The following TNRC6B variants were observed in gnomAD, a reference collection of about 807,000 sequenced individuals.
The protein encoded by TNRC6B is trinucleotide repeat-containing gene 6B protein.
In TNRC6B, 52 loss-of-function variants were observed where a neutral mutation model predicts 203.6. The observed-to-expected ratio is 0.26, with a 90% CI of 0.20 to 0.32. TNRC6B has a LOEUF of 0.32. Ranked by LOEUF, TNRC6B falls within the 10% of genes least tolerant of loss-of-function variation. The pLI is 1.00. For missense variants in TNRC6B, 1,923 were observed against 2,286.2 expected, an observed-to-expected ratio of 0.84 and a Z score of 3.24; for synonymous variants, 838 against 845.7, an observed-to-expected ratio of 0.99 and a Z score of 0.16.
intron 1 of TNRC6B, among the ~76,000 whole-genome samples, chr22:40,229,381 G>A (rs1039102384): frequency 6.6e-6 from 1 of 151,448 alleles, no homozygotes; most frequent in African/African-American, 2.4e-5. Context: ...TCTCACTTAC[G>A]GGGCTGTGTC....
chr22:40,296,835 C>T (rs1220925679), intron 12 of TNRC6B, among the ~76,000 whole-genome samples: 1 of 152,084 alleles, frequency 6.6e-6, no homozygotes, highest in African/African-American at 2.4e-5. Flanking sequence ...GCCATGTTGG[C>T]CAAGCTGGTC....
intron 2 of TNRC6B, among the ~76,000 whole-genome samples, chr22:40,250,484 C>T (rs1263967853): frequency 6.6e-6 from 1 of 151,920 alleles, no homozygotes; most frequent in Non-Finnish European, 1.5e-5. Flanking sequence ...AACAAAGCAC[C>T]CTTGATTTGT....
chr22:40,270,257 A>G lies in TNRC6B; in HGVS notation c.2942A>G (p.Asn981Ser), dbSNP rs1195024609. ...STTGWGNTPA[N>S]APNAMKPNSK... ...ACAGGCTGGGGGAACACGCCCGCCA[A>G]CGCTCCCAATGCCATGAAGCCTAGT... Residue 981 changes from asparagine to serine, a missense_variant, in exon 6 of 23, where the codon AAC becomes AGC. Transcript: ENST00000454349. 1.4e-6 allele frequency: 2 copies of G among 1,477,906 alleles called. No individual in the cohort carries two copies. Among genetic ancestry groups the G allele is most frequent in the South Asian group, 1.3e-5 (1 of 75,320 alleles). 91.5% of individuals were successfully genotyped at this position (1,477,906 alleles called of 1,614,324 possible).
At chr22:40,199,115 C>T (rs1198640461) in intron 1 of TNRC6B, among the ~76,000 whole-genome samples, 1 of 152,066 alleles carries the variant, frequency 6.6e-6, no homozygotes, top group Non-Finnish European at 1.5e-5. Context: ...CTGGCCAAAT[C>T]TGAGTTTATT....
chr22:40,225,807 T>C (rs138840244), intron 1 of TNRC6B, among the ~76,000 whole-genome samples: 9 of 150,772 alleles, frequency 6.0e-5, no homozygotes, highest in African/African-American at 2.2e-4. Context: ...TTACTCAGAT[T>C]GTCTATTAAA....
chr22:40,208,841 G>A (rs770037471), intron 1 of TNRC6B, among the ~76,000 whole-genome samples: 9 of 152,108 alleles, frequency 5.9e-5, no homozygotes, highest in Admixed American at 1.3e-4. Flanking sequence ...TTTTAAATGC[G>A]TTTTGAATTC....
In TNRC6B at chr22:40,265,514, T is replaced by C; in HGVS notation, c.1284T>C (p.Ala428=). ...KTGSVGSWGA[A]RGPSGTDTVS... ...GGAGTGTTGGATCTTGGGGTGCAGC[T>C]AGGGGGCCTTCTGGAACTGACACAG... The change falls in exon 5 of 23, where the codon GCT becomes GCC. Residue 428 remains alanine (A), a synonymous_variant. Coordinates refer to ENST00000454349, the MANE Select transcript of TNRC6B (RefSeq NM_001162501.2). The C allele has an allele frequency of 6.2e-7, 1 of 1,613,812 alleles. No homozygotes were observed. Among genetic ancestry groups the C allele is most frequent in the South Asian group, 1.1e-5 (1 of 91,074 alleles).
intron 4 of TNRC6B, among the ~76,000 whole-genome samples, chr22:40,162,074 GT>G (rs2068876021): frequency 6.6e-6 from 1 of 152,078 alleles, no homozygotes. Context: ...AAGATCACTT[GT>G]TCTAATTTTG....
intron 3 of TNRC6B, among the ~76,000 whole-genome samples, chr22:40,145,564 C>T (rs1267511099): frequency 2.6e-5 from 4 of 152,156 alleles, no homozygotes; most frequent in African/African-American, 9.7e-5. Context: ...GATAAATCGG[C>T]TGGGCATGGT....
At chr22:40,140,451 A>G (rs1486336634) in intron 3 of TNRC6B, among the ~76,000 whole-genome samples, 2 of 152,126 alleles carry the variant, frequency 1.3e-5, no homozygotes, top group Non-Finnish European at 2.9e-5. Context: ...GACTGGAGCA[A>G]CCATCTTAAA....
At chr22:40,055,720 T>G (rs2067788944) in intron 1 of TNRC6B, among the ~76,000 whole-genome samples, 1 of 152,200 alleles carries the variant, frequency 6.6e-6, no homozygotes, top group Non-Finnish European at 1.5e-5. Flanking sequence ...TAGAAAGTGG[T>G]GACTCATTTA....
intron 12 of TNRC6B, among the ~76,000 whole-genome samples, chr22:40,298,693 G>A (rs936780887): frequency 2.0e-5 from 3 of 151,300 alleles, no homozygotes; most frequent in Admixed American, 6.6e-5. Context: ...GGGGCCGGGC[G>A]CGGTGGCTCA....
intron 1 of TNRC6B, among the ~76,000 whole-genome samples, chr22:40,053,350 C>T (rs758892935): frequency 1.2e-4 from 18 of 152,194 alleles, no homozygotes; most frequent in Non-Finnish European, 2.5e-4. Context: ...TTCCAGAATT[C>T]GGGCAGAGTT....
At chr22:40,152,553 C>A (rs1256286615) in intron 3 of TNRC6B, among the ~76,000 whole-genome samples, 1 of 152,132 alleles carries the variant, frequency 6.6e-6, no homozygotes, top group Non-Finnish European at 1.5e-5. Context: ...TGGTCTCGAT[C>A]TCCTGACCTT....
At chr22:40,189,670 G>T (rs1329392664) in intron 1 of TNRC6B, among the ~76,000 whole-genome samples, 2 of 152,062 alleles carry the variant, frequency 1.3e-5, no homozygotes, top group Non-Finnish European at 2.9e-5. Flanking sequence ...GTCCACTTGG[G>T]GAAATGCTTG....
At chr22:40,149,535 T>C (rs898892801) in intron 3 of TNRC6B, among the ~76,000 whole-genome samples, 7 of 151,962 alleles carry the variant, frequency 4.6e-5, no homozygotes, top group Admixed American at 4.6e-4. Context: ...CCAGGCGTGG[T>C]GGCACACACC....
intron 1 of TNRC6B, among the ~76,000 whole-genome samples, chr22:40,180,503 G>A (rs995426214): frequency 6.6e-6 from 1 of 152,190 alleles, no homozygotes; most frequent in Non-Finnish European, 1.5e-5. Context: ...ATAATTAAAA[G>A]GTGAGATAAA....
intron 1 of TNRC6B, among the ~76,000 whole-genome samples, chr22:40,179,938 A>T (rs912730270): frequency 6.6e-6 from 1 of 152,232 alleles, no homozygotes; most frequent in African/African-American, 2.4e-5. Context: ...TTATTATTTT[A>T]AAAAATTAAT....
At chr22:40,295,347 AC>A in intron 12 of TNRC6B, among the ~76,000 whole-genome samples, 1 of 151,960 alleles carries the variant, frequency 6.6e-6, no homozygotes, top group Admixed American at 6.6e-5. Flanking sequence ...GGTGGCGGGC[AC>A]CCGTAATCCC....
Sources: allele counts gnomAD v4.1 joint callset (sites outside exome capture counted in the v4.1 genomes callset), GRCh38; gene constraint gnomAD v4.1.1; transcripts MANE v1.5; gene names NCBI Gene and HGNC (gene_info 2026-07-23, HGNC 2026-07-21).